SPMIP3: variants seen among roughly 807,000 people sequenced by gnomAD.
The protein encoded by SPMIP3 is sperm microtubule inner protein 3.
At chr1:244,356,330 T>C in the SPMIP3 span, among the ~76,000 whole-genome samples, 1 of 152,220 alleles carries the variant, frequency 6.6e-6, no homozygotes, top group African/African-American at 2.4e-5. Context: ...TTACCACGAA[T>C]GGGTCAATTT....
At chr1:244,374,375 C>T in the SPMIP3 span, among the ~76,000 whole-genome samples, 1 of 151,992 alleles carries the variant, frequency 6.6e-6, no homozygotes, top group Admixed American at 6.6e-5. Flanking sequence ...TTGCAAGCGC[C>T]TTGTGCTTTG....
chr1:244,364,158 G>A, the SPMIP3 span, among the ~76,000 whole-genome samples: 1,743 of 151,784 alleles, frequency 0.011, 41 homozygotes, highest in African/African-American at 0.039. Flanking sequence ...TGGCTGGAGC[G>A]CAGTGGCACG....
At chr1:244,374,571 G>C in the SPMIP3 span, among the ~76,000 whole-genome samples, 167 of 148,352 alleles carry the variant, frequency 1.1e-3, 3 homozygotes, top group East Asian at 0.027. Flanking sequence ...CTCCGTTTAC[G>C]GATTCCCACA....
At chr1:244,359,551 G>A in the SPMIP3 span, among the ~76,000 whole-genome samples, 3 of 151,842 alleles carry the variant, frequency 2.0e-5, no homozygotes, top group African/African-American at 4.8e-5. Context: ...ATGAAACCCC[G>A]CCTCTACTAA....
the SPMIP3 span, among the ~76,000 whole-genome samples, chr1:244,373,837 G>C: frequency 6.6e-6 from 1 of 152,026 alleles, no homozygotes; most frequent in South Asian, 2.1e-4. Context: ...TTTCTGGCCG[G>C]GTGCAGTGGC....
chr1:244,379,015 G>A, the SPMIP3 span, among the ~76,000 whole-genome samples: 10 of 152,016 alleles, frequency 6.6e-5, no homozygotes, highest in South Asian at 4.2e-4. Context: ...TGCAAACTCC[G>A]CCTCCTGGGT....
chr1:244,353,124 A>G, the SPMIP3 span, among the ~76,000 whole-genome samples: 2 of 152,256 alleles, frequency 1.3e-5, no homozygotes, highest in African/African-American at 4.8e-5. Context: ...CTCCTTGGAC[A>G]GCGAACACTT....
At chr1:244,357,343 G>A in the SPMIP3 span, among the ~76,000 whole-genome samples, 1 of 152,120 alleles carries the variant, frequency 6.6e-6, no homozygotes, top group Admixed American at 6.6e-5. Flanking sequence ...GTGGGGTGGA[G>A]TGGAGTCTTA....
the SPMIP3 span, among the ~76,000 whole-genome samples, chr1:244,360,523 C>A: frequency 1.7e-5 from 1 of 60,450 alleles, no homozygotes; most frequent in Admixed American, 2.2e-4. Context: ...CACACACACA[C>A]ACACACACAC....
chr1:244,378,479 C>G, the SPMIP3 span: 53 of 1,612,826 alleles, frequency 3.3e-5, no homozygotes, highest in Non-Finnish European at 2.5e-6. Context: ...CGCTCATAGA[C>G]TTGACAATTC....
chr1:244,371,249 A>C, the SPMIP3 span, among the ~76,000 whole-genome samples: 1 of 152,220 alleles, frequency 6.6e-6, no homozygotes, highest in Non-Finnish European at 1.5e-5. Flanking sequence ...TGAGAAGGAA[A>C]GGGCTTTCTA....
the SPMIP3 span, chr1:244,378,468 C>T: frequency 1.4e-5 from 22 of 1,606,520 alleles, no homozygotes; most frequent in Non-Finnish European, 1.8e-5. Context: ...TCCATTTAGA[C>T]CGCTCATAGA....
the SPMIP3 span, among the ~76,000 whole-genome samples, chr1:244,372,061 G>T: frequency 1.3e-5 from 2 of 152,074 alleles, no homozygotes; most frequent in African/African-American, 4.8e-5. Context: ...AGACAGTCAG[G>T]CCCACTCTAG....
chr1:244,388,859 T>G, the SPMIP3 span: 10 of 958,190 alleles, frequency 1.0e-5, no homozygotes, highest in Non-Finnish European at 1.3e-5. Context: ...AAAAGTTATT[T>G]TGTTACTGTG....
the SPMIP3 span, among the ~76,000 whole-genome samples, chr1:244,385,606 C>T: frequency 6.6e-6 from 1 of 152,152 alleles, no homozygotes; most frequent in African/African-American, 2.4e-5. Flanking sequence ...CCTCAATATT[C>T]TCACCTGCGA....
At chr1:244,363,372 C>G in the SPMIP3 span, among the ~76,000 whole-genome samples, 1 of 151,250 alleles carries the variant, frequency 6.6e-6, no homozygotes, top group African/African-American at 2.4e-5. Flanking sequence ...TGTGCCACTG[C>G]ACTCCAACCT....
the SPMIP3 span, chr1:244,376,530 G>T: frequency 1.2e-4 from 19 of 152,278 alleles, no homozygotes; most frequent in East Asian, 1.2e-3. Flanking sequence ...GTCAAAAATG[G>T]AATGATTGAA....
the SPMIP3 span, among the ~76,000 whole-genome samples, chr1:244,362,202 G>A: frequency 5.3e-5 from 8 of 152,224 alleles, no homozygotes; most frequent in African/African-American, 1.9e-4. Context: ...CGTTGTCTAT[G>A]AAAGGGAAGA....
chr1:244,361,068 T>C, the SPMIP3 span, among the ~76,000 whole-genome samples: 1 of 147,788 alleles, frequency 6.8e-6, no homozygotes, highest in Non-Finnish European at 1.5e-5. Flanking sequence ...AGACGGAGAG[T>C]AGAATGATGG....
Sources: allele counts gnomAD v4.1 joint callset (sites outside exome capture counted in the v4.1 genomes callset), GRCh38; gene constraint gnomAD v4.1.1; transcripts MANE v1.5; gene names NCBI Gene and HGNC (gene_info 2026-07-23, HGNC 2026-07-21).